Variants in TSC22D1 observed in about 807,000 individuals in gnomAD.
TSC22D1 encodes the protein TSC22 domain family member 1.
A neutral mutation model predicts 74.2 loss-of-function variants in TSC22D1; 9 were observed. That is an observed-to-expected ratio of 0.12 (90% CI 0.07 to 0.21). TSC22D1 has a LOEUF of 0.21. Ranked by LOEUF, TSC22D1 falls within the 10% of genes least tolerant of loss-of-function variation. The pLI is 1.00. For missense variants in TSC22D1, 1,427 were observed against 1,304.7 expected (o/e 1.09, Z -1.44); for synonymous variants, 586 against 492.5 (o/e 1.19, Z -2.51).
intron 1 of TSC22D1, among the ~76,000 whole-genome samples, chr13:44,563,854 T>C (rs963344311): frequency 3.9e-5 from 6 of 152,258 alleles, no homozygotes; most frequent in Non-Finnish European, 7.3e-5. Context: ...GAGATCAAGA[T>C]TTCCAACTCT....
intron 1 of TSC22D1, among the ~76,000 whole-genome samples, chr13:44,507,439 A>G (rs1879494733): frequency 6.6e-6 from 1 of 152,166 alleles, no homozygotes; most frequent in Non-Finnish European, 1.5e-5. Flanking sequence ...AGATGTTTTC[A>G]AAGTTTTGCA....
At position 44,573,394 on chromosome 13, in the gene TSC22D1, G is replaced by C. The variant is rs761827475; in HGVS notation, c.2681C>G (p.Ser894Cys). 8 of 1,614,252 alleles carry C rather than the reference G, an allele frequency of 5.0e-6. No individual in the cohort carries two copies. Among genetic ancestry groups the C allele is most frequent in the Non-Finnish European group, 6.8e-6 (8 of 1,180,046 alleles). ...TAATGATTGTGCGGAGAACTGGGTA[G>C]AACTTAGTGGTATCTGTTGTGCCAA... ...LPLAQQIPLS[S>C]TQFSAQSLAQ... The change falls in exon 1 of 3, where the codon TCT becomes TGT. Residue 894 changes from serine to cysteine, a missense_variant. Transcript: ENST00000458659.
chr13:44,443,196 C>T (rs996647006), intron 1 of TSC22D1, among the ~76,000 whole-genome samples: 38 of 151,690 alleles, frequency 2.5e-4, no homozygotes, highest in Non-Finnish European at 7.4e-5. Flanking sequence ...GTGATAAAAT[C>T]TTAGAAGCAG....
At chr13:44,540,564 T>G (rs1881407574) in intron 1 of TSC22D1, among the ~76,000 whole-genome samples, 1 of 152,174 alleles carries the variant, frequency 6.6e-6, no homozygotes, top group Non-Finnish European at 1.5e-5. Context: ...GAAGGCAGAA[T>G]AGTGGATATA....
chr13:44,573,256 T>C lies in TSC22D1; in HGVS notation c.2819A>G (p.Asp940Gly), dbSNP rs776133159. The C allele has an allele frequency of 3.7e-6, 6 of 1,614,236 alleles. No homozygotes were observed. In the South Asian group the frequency reaches 4.4e-5, roughly 12 times the overall value. ...GGCTGCTAGGCTGCTGCTACTCCCA[T>C]CTGAAACTGCTGACATTCCCCCACT... ...GDSGGMSAVS[D>G]GSSSSLAASA... The change falls in exon 1 of 3, where the codon GAT (aspartate) becomes GGT (glycine). Residue 940 changes from aspartate (D) to glycine (G), a missense_variant. This residue lies in a region of TSC22D1 where 1,343 missense variants were observed against 1,191.5 expected (regional missense o/e 1.13). Coordinates refer to ENST00000458659, the MANE Select transcript of TSC22D1 (RefSeq NM_183422.4).
chr13:44,452,751 T>G (rs974843192), intron 1 of TSC22D1: 1 of 152,676 alleles, frequency 6.5e-6, no homozygotes, highest in East Asian at 1.9e-4. Flanking sequence ...TGGGGAGAGA[T>G]CAACCCTGCC....
At chr13:44,511,411 T>C (rs191122714) in intron 1 of TSC22D1, among the ~76,000 whole-genome samples, 2 of 152,358 alleles carry the variant, frequency 1.3e-5, no homozygotes, top group East Asian at 1.9e-4. Context: ...TTCTAACTTA[T>C]ATTTGGGAAA....
chr13:44,530,000 A>C (rs1880744517), intron 1 of TSC22D1, among the ~76,000 whole-genome samples: 1 of 152,140 alleles, frequency 6.6e-6, no homozygotes, highest in Admixed American at 6.5e-5. Flanking sequence ...ATTCTTCCCA[A>C]CTTGATCTTT....
chr13:44,538,594 T>C (rs1027181779), intron 1 of TSC22D1: 6 of 985,314 alleles, frequency 6.1e-6, no homozygotes, highest in Non-Finnish European at 7.2e-6. Context: ...GTCTTCTGAA[T>C]AGAAAGAAAT....
intron 1 of TSC22D1, among the ~76,000 whole-genome samples, chr13:44,508,668 G>A (rs1879548230): frequency 6.6e-6 from 1 of 152,056 alleles, no homozygotes; most frequent in Non-Finnish European, 1.5e-5. Flanking sequence ...TCTATTCACA[G>A]TATAATAGGA....
In TSC22D1 at chr13:44,576,330, T is replaced by G; in HGVS notation, c.-256A>C. ...CCCTTCAGTCCTTCGCCATTCACTT[T>G]CCCCTCTAGCCTCACACCCCCCTTT... is the stretch of plus-strand genomic sequence containing the variant. On this transcript the variant is annotated 5_prime_UTR_variant, in exon 1 of 3. Transcript: ENST00000458659. 2.0e-6 allele frequency: 1 copy of G among 499,758 alleles called. No individual in the cohort carries two copies. The allele number at this position is 499,758 out of a possible 1,614,324, so 31.0% of individuals were successfully genotyped here.
intron 1 of TSC22D1, among the ~76,000 whole-genome samples, chr13:44,456,713 G>C (rs1876677108): frequency 6.6e-6 from 1 of 152,022 alleles, no homozygotes. Flanking sequence ...AATAAGAGGA[G>C]GACAACATTC....
chr13:44,471,444 C>T (rs1229418659), intron 1 of TSC22D1, among the ~76,000 whole-genome samples: 2 of 152,024 alleles, frequency 1.3e-5, no homozygotes, highest in South Asian at 2.1e-4. Context: ...GTTAAATAGC[C>T]GGAATGTTAA....
intron 1 of TSC22D1, 103 bp from the exon 2 acceptor site, chr13:44,436,198 T>C: frequency 1.5e-6 from 2 of 1,296,020 alleles, no homozygotes; most frequent in Non-Finnish European, 2.2e-6. Context: ...GCATCATATT[T>C]TGAATGTTAT....
chr13:44,484,234 G>A (rs935454177), intron 1 of TSC22D1, among the ~76,000 whole-genome samples: 1 of 152,124 alleles, frequency 6.6e-6, no homozygotes, highest in Non-Finnish European at 1.5e-5. Context: ...CTAAGAGTTT[G>A]AAATTATGCC....
At position 44,484,801 on chromosome 13, in the gene TSC22D1, T is replaced by C. The variant is rs548130639; in HGVS notation, c.2913-48706A>G. ...AAGCCACACAGGTGGGTATCCCTTC[T>C]GCTTACTGGGCTGCATATAAAGGAC... is the stretch of plus-strand genomic sequence containing the variant. On this transcript the variant is annotated intron_variant, in intron 1 of 2. Coordinates refer to ENST00000458659, the MANE Select transcript of TSC22D1 (RefSeq NM_183422.4). Among the ~76,000 whole-genome samples the C allele has an allele frequency of 4.6e-5, 7 of 152,322 alleles. No homozygotes were observed. The East Asian group carries it at 1.4e-3, about 29-fold the overall frequency.
Position 44,549,382 on chromosome 13 carries a change from A to G in TSC22D1, c.2912+23781T>C, listed in dbSNP as rs1276245958. Among the ~76,000 whole-genome samples, 2 of 152,170 alleles carry G rather than the reference A, an allele frequency of 1.3e-5. 1 individual carries two copies. The highest frequency in any genetic ancestry group is 1.3e-4 in the Admixed American group (2 of 15,282). ...TACTCTATCTTATTATAACTTATAC[A>G]GCAATTGAGCCTAAAGTGACAAGGA... On this transcript the variant is annotated intron_variant, in intron 1 of 2. Coordinates refer to ENST00000458659, the MANE Select transcript of TSC22D1 (RefSeq NM_183422.4).
intron 1 of TSC22D1, among the ~76,000 whole-genome samples, chr13:44,541,381 A>T (rs1444933732): frequency 6.6e-6 from 1 of 152,204 alleles, no homozygotes; most frequent in Admixed American, 6.5e-5. Flanking sequence ...ATGAGAAATG[A>T]CAGTTTGGCC....
chr13:44,464,092 A>T (rs1877138419), intron 1 of TSC22D1, among the ~76,000 whole-genome samples: 2 of 152,132 alleles, frequency 1.3e-5, no homozygotes, highest in Non-Finnish European at 2.9e-5. Context: ...TAGCTAAACC[A>T]CTTCCAAATT....
Sources: allele counts gnomAD v4.1 joint callset (sites outside exome capture counted in the v4.1 genomes callset), GRCh38; gene constraint gnomAD v4.1.1; regional missense constraint gnomAD v4.1.1; transcripts MANE v1.5; gene names NCBI Gene and HGNC (gene_info 2026-07-23, HGNC 2026-07-21).